The following CNTLN variants were observed in gnomAD, a reference collection of about 807,000 sequenced individuals.
CNTLN encodes the protein centlein, also known as centlein, centrosomal protein.
In CNTLN, 212 loss-of-function variants were observed where a neutral mutation model predicts 180.0. That is an observed-to-expected ratio of 1.18 (90% CI 1.05 to 1.32). The LOEUF is 1.32. CNTLN is among the 40% of genes most tolerant of loss of function. CNTLN has a pLI of 0.00. For missense variants in CNTLN, 2,095 were observed against 1,610.9 expected (o/e 1.30, Z -5.14); for synonymous variants, 722 against 563.1 (o/e 1.28, Z -3.99).
At chr9:17,138,894 T>A (rs759343648) in intron 1 of CNTLN, among the ~76,000 whole-genome samples, 46 of 152,258 alleles carry the variant, frequency 3.0e-4, no homozygotes, top group Non-Finnish European at 3.7e-4. Flanking sequence ...TATTTCCAGG[T>A]CAGTTGATGA....
At chr9:17,340,374 A>T (rs969562925) in intron 10 of CNTLN, among the ~76,000 whole-genome samples, 15 of 152,154 alleles carry the variant, frequency 9.9e-5, no homozygotes, top group African/African-American at 3.4e-4. Context: ...CTTGTGCCTT[A>T]GTAAATATTA....
chr9:17,472,433 T>A (rs1433363146), intron 23 of CNTLN, among the ~76,000 whole-genome samples: 1 of 152,162 alleles, frequency 6.6e-6, no homozygotes, highest in Non-Finnish European at 1.5e-5. Flanking sequence ...ACAATTCTGT[T>A]ATGACTTATG....
intron 2 of CNTLN, among the ~76,000 whole-genome samples, chr9:17,153,350 G>T (rs1019480334): frequency 2.0e-5 from 3 of 151,922 alleles, no homozygotes; most frequent in African/African-American, 7.3e-5. Context: ...GGCAGGTCTG[G>T]TGGTGACAAA....
rs1237337836 is a variant in CNTLN, at chr9:17,503,405, C to G, written c.*753C>G. 1 of 152,144 alleles carries G rather than the reference C, an allele frequency of 6.6e-6. No individual in the cohort carries two copies. The highest frequency in any genetic ancestry group is 1.5e-5 in the Non-Finnish European group (1 of 68,050). The allele number at this position is 152,144 out of a possible 1,614,324, so 9.4% of individuals were successfully genotyped here. ...CCATGATGTCATCCTTATTTAGATT[C>G]CTGGACATTCCCACCTCATTTCACC... On this transcript the variant is annotated 3_prime_UTR_variant, in exon 26 of 26. Coordinates refer to ENST00000380647, the MANE Select transcript of CNTLN (RefSeq NM_017738.4).
chr9:17,372,573 C>T (rs534728537), intron 13 of CNTLN, among the ~76,000 whole-genome samples: 2 of 152,266 alleles, frequency 1.3e-5, no homozygotes, highest in African/African-American at 4.8e-5. Flanking sequence ...TCCAATCCTA[C>T]TCAAGCTATT....
intron 12 of CNTLN, among the ~76,000 whole-genome samples, chr9:17,366,182 G>A (rs1220634530): frequency 3.9e-5 from 6 of 152,048 alleles, no homozygotes; most frequent in Non-Finnish European, 4.4e-5. Flanking sequence ...CTGTAGTGCA[G>A]CAGTGAAATT....
chr9:17,423,167 C>G (rs1204931806), intron 18 of CNTLN, among the ~76,000 whole-genome samples: 1 of 152,108 alleles, frequency 6.6e-6, no homozygotes, highest in African/African-American at 2.4e-5. Flanking sequence ...CTAGGTCACT[C>G]CTGAAGCTAG....
intron 2 of CNTLN, among the ~76,000 whole-genome samples, chr9:17,151,917 AT>A (rs557656172): frequency 6.6e-6 from 1 of 151,840 alleles, no homozygotes; most frequent in African/African-American, 2.4e-5. Flanking sequence ...GAATTTATCC[AT>A]TTTTTCTAGA....
At chr9:17,469,312 G>A (rs1233768389) in intron 23 of CNTLN, among the ~76,000 whole-genome samples, 4 of 151,794 alleles carry the variant, frequency 2.6e-5, no homozygotes, top group Non-Finnish European at 1.5e-5. Context: ...TTTGACATTT[G>A]TTTTTCTTAA....
intron 15 of CNTLN, among the ~76,000 whole-genome samples, chr9:17,408,724 C>T (rs1039150409): frequency 6.6e-6 from 1 of 151,490 alleles, no homozygotes; most frequent in Non-Finnish European, 1.5e-5. Flanking sequence ...TGGCATGAAC[C>T]TGGGAGGCGG....
chr9:17,359,905 A>G (rs965792769), intron 12 of CNTLN, among the ~76,000 whole-genome samples: 1 of 151,408 alleles, frequency 6.6e-6, no homozygotes, highest in Admixed American at 6.6e-5. Flanking sequence ...CTCAAAAAAA[A>G]AAATAATAAT....
chr9:17,426,698 T>C (rs1278044429), intron 18 of CNTLN, among the ~76,000 whole-genome samples: 1 of 152,140 alleles, frequency 6.6e-6, no homozygotes, highest in Non-Finnish European at 1.5e-5. Context: ...TCACATGTTC[T>C]TGAGGTTCTA....
intron 13 of CNTLN, among the ~76,000 whole-genome samples, chr9:17,377,544 A>G (rs1824877850): frequency 6.6e-6 from 1 of 152,202 alleles, no homozygotes; most frequent in Non-Finnish European, 1.5e-5. Context: ...GCCTGGGTGA[A>G]GGAGCAAGAC....
chr9:17,160,177 T>G (rs1338404244), intron 2 of CNTLN, among the ~76,000 whole-genome samples: 2 of 152,266 alleles, frequency 1.3e-5, no homozygotes, highest in African/African-American at 4.8e-5. Context: ...TTATCTGAAA[T>G]GTAAAAAATG....
In CNTLN at chr9:17,276,313, T is replaced by A. The variant is rs918573056; in HGVS notation, c.983+2447T>A. Among the ~76,000 whole-genome samples the A allele has an allele frequency of 1.3e-5, 2 of 152,098 alleles. 1 individual carries two copies. The highest frequency in any genetic ancestry group is 1.3e-4 in the Admixed American group (2 of 15,248). The stretch of plus-strand genomic sequence containing the variant: ...ACTGTTGGATATACTGTGTGTCTTG[T>A]TTCTTTCATCATTATTTCACTGGGA... On this transcript the variant is annotated intron_variant, in intron 6 of 25. Coordinates refer to ENST00000380647, the MANE Select transcript of CNTLN (RefSeq NM_017738.4).
At chr9:17,397,667 G>A (rs368491894) in intron 15 of CNTLN, among the ~76,000 whole-genome samples, 37 of 152,224 alleles carry the variant, frequency 2.4e-4, no homozygotes, top group African/African-American at 8.7e-4. Flanking sequence ...AATGCCTCCC[G>A]GCAGATCTGA....
chr9:17,359,736 A>AAAAACAAAACAAAAAACAAAAAC lies in CNTLN; in HGVS notation c.1887-6877_1887-6876insCAAAACAAAAAACAAAAACAAAA, dbSNP rs1554699478. Among the ~76,000 whole-genome samples the AAAAACAAAACAAAAAACAAAAAC allele has an allele frequency of 2.1e-3, 238 of 112,540 alleles. 1 individual carries two copies. The highest frequency in any genetic ancestry group is 3.7e-3 in the Non-Finnish European group (203 of 54,522). 73.8% of individuals were successfully genotyped at this position (112,540 alleles called of 152,430 possible). A position where few individuals can be genotyped will look rare whatever the true frequency, so the allele number is the denominator to read the frequency against. ...CTATACTAAAAATACAAAAAAAAAAAAAAAAAAAAAAAAACTAGCTGGGTG... is the reference window on the plus strand; with the variant it reads ...CTATACTAAAAATACAAAAAAAAAAAAAAACAAAACAAAAAACAAAAACAAAAAAAAAAAAAACTAGCTGGGTG... On this transcript the variant is annotated intron_variant, in intron 12 of 25. Coordinates refer to ENST00000380647, the MANE Select transcript of CNTLN (RefSeq NM_017738.4).
intron 7 of CNTLN, chr9:17,301,450 T>A: frequency 1.0e-6 from 1 of 985,392 alleles, no homozygotes; most frequent in Non-Finnish European, 1.2e-6. Flanking sequence ...ACCTAATAAT[T>A]GGCTTACTTT....
At chr9:17,330,957 A>C (rs1321070858) in intron 9 of CNTLN, 149 bp downstream of exon 9, 20 of 642,438 alleles carry the variant, frequency 3.1e-5, no homozygotes, top group Non-Finnish European at 4.6e-5. Flanking sequence ...TTGTTAAATA[A>C]GTTTTAGGAG....
Sources: gnomAD v4.1 joint callset for allele counts (sites outside exome capture counted in the v4.1 genomes callset) on GRCh38, gnomAD v4.1.1 for gene constraint, MANE v1.5 for transcripts, NCBI Gene and HGNC (gene_info 2026-07-23, HGNC 2026-07-21) for gene names.